The following EPAS1 variants were observed in gnomAD, a reference collection of about 807,000 sequenced individuals.
EPAS1 encodes the protein endothelial PAS domain protein 1, also known as endothelial PAS domain-containing protein 1.
In EPAS1, 23 loss-of-function variants were observed where a neutral mutation model predicts 87.9. The observed-to-expected ratio is 0.26, with a 90% confidence interval of 0.19 to 0.37. EPAS1 has a LOEUF of 0.37. Among genes scored for constraint, EPAS1 ranks in the 10% least tolerant of loss-of-function variants. The pLI is 1.00. For synonymous variants in EPAS1, 508 were observed against 444.3 expected, an observed-to-expected ratio of 1.14 and a Z score of -1.80; for missense variants, 1,138 against 1,120.7, an observed-to-expected ratio of 1.02 and a Z score of -0.22.
intron 11 of EPAS1, among the ~76,000 whole-genome samples, chr2:46,379,329 A>G (rs572719741): frequency 4.1e-4 from 63 of 152,302 alleles, no homozygotes; most frequent in African/African-American, 1.2e-3. Context: ...AACCCCAGGG[A>G]AAACCATTAA....
chr2:46,355,480 T>G (rs1055328599), intron 2 of EPAS1, among the ~76,000 whole-genome samples: 1 of 152,236 alleles, frequency 6.6e-6, no homozygotes, highest in African/African-American at 2.4e-5. Flanking sequence ...GCTTAACCTC[T>G]CTACACTTCA....
intron 9 of EPAS1, among the ~76,000 whole-genome samples, chr2:46,377,115 C>T (rs919167882): frequency 6.6e-6 from 1 of 152,202 alleles, no homozygotes; most frequent in African/African-American, 2.4e-5. Context: ...AGAGAAGGGG[C>T]AGATTCCTAC....
chr2:46,307,011 C>A (rs1683118056), intron 1 of EPAS1, among the ~76,000 whole-genome samples: 2 of 152,192 alleles, frequency 1.3e-5, no homozygotes, highest in South Asian at 4.1e-4. Context: ...AATTCACTTT[C>A]CACAGATTGG....
rs1684874526 is a variant in EPAS1 at position 46,380,880 on chromosome 2, G to C, written c.2045+163G>C. Reference sequence around the variant, plus strand: ...ACTTTGGGGAATCACCTCAAGCCATGTGAGGCCTAGTGTAGGATGGGTTTT... The same window carrying C: ...ACTTTGGGGAATCACCTCAAGCCATCTGAGGCCTAGTGTAGGATGGGTTTT... On this transcript the variant is annotated intron_variant, in intron 12 of 15. Transcript: ENST00000263734. This position sits in a 1 kb window ranked among gnomAD's most constrained non-coding sequence, Gnocchi z 4.4. Among the ~76,000 whole-genome samples the C allele has an allele frequency of 6.6e-6, 1 of 152,144 alleles. No individual in the cohort carries two copies. Among genetic ancestry groups the C allele is most frequent in the South Asian group, 2.1e-4 (1 of 4,826 alleles).
chr2:46,298,589 C>G (rs536197678), intron 1 of EPAS1, among the ~76,000 whole-genome samples: 1 of 152,336 alleles, frequency 6.6e-6, no homozygotes, highest in East Asian at 1.9e-4. Context: ...GATTGCCCTG[C>G]GGGGGCAGAT....
intron 1 of EPAS1, among the ~76,000 whole-genome samples, chr2:46,310,194 T>C (rs1683183607): frequency 6.6e-6 from 1 of 152,128 alleles, no homozygotes; most frequent in African/African-American, 2.4e-5. Context: ...CATCCCCATG[T>C]TCTCTTTCTG....
At chr2:46,370,017 C>T (rs1684594614) in intron 7 of EPAS1, 84 bp downstream of exon 7, 5 of 992,618 alleles carry the variant, frequency 5.0e-6, no homozygotes, top group African/African-American at 1.6e-5. Context: ...AGACAGAAGA[C>T]CAGGTCACTT....
chr2:46,356,616 A>T, intron 3 of EPAS1, 108 bp from the exon 4 acceptor site: 2 of 904,268 alleles, frequency 2.2e-6, no homozygotes, highest in Non-Finnish European at 3.7e-6. Flanking sequence ...GAGAAAACCC[A>T]ATTCAGTCTC....
chr2:46,369,749 G>C, intron 6 of EPAS1, 78 bp from the exon 7 acceptor site: 1 of 1,001,604 alleles, frequency 1.0e-6, no homozygotes, highest in Admixed American at 1.9e-5. Flanking sequence ...TTTGCCTTCT[G>C]GGGTTAGCTC....
chr2:46,367,997 T>C (rs1029479361), intron 6 of EPAS1, among the ~76,000 whole-genome samples: 1 of 152,232 alleles, frequency 6.6e-6, no homozygotes, highest in Non-Finnish European at 1.5e-5. Flanking sequence ...CCAGGTTCCT[T>C]AGCAGTGCTG....
intron 2 of EPAS1, among the ~76,000 whole-genome samples, chr2:46,355,123 G>C (rs906981239): frequency 6.6e-5 from 10 of 152,126 alleles, no homozygotes; most frequent in Admixed American, 5.9e-4. Flanking sequence ...CTTTTATTTA[G>C]CTTTGCATCT....
At chr2:46,367,398 G>A (rs1684524768) in intron 6 of EPAS1, among the ~76,000 whole-genome samples, 1 of 152,362 alleles carries the variant, frequency 6.6e-6, no homozygotes, top group South Asian at 2.1e-4. Flanking sequence ...CAGTGAGCCT[G>A]CAGATGGCCA....
chr2:46,324,418 A>G (rs1572620489), intron 1 of EPAS1, among the ~76,000 whole-genome samples: 1 of 152,228 alleles, frequency 6.6e-6, no homozygotes, highest in Non-Finnish European at 1.5e-5. Flanking sequence ...AGCAAGGCCC[A>G]TGGGCAATAG....
chr2:46,310,805 G>A (rs1247003724), intron 1 of EPAS1, among the ~76,000 whole-genome samples: 2 of 152,202 alleles, frequency 1.3e-5, no homozygotes, highest in Non-Finnish European at 2.9e-5. Flanking sequence ...TCTGTCCACC[G>A]GTACTTTGAG....
chr2:46,353,814 A>G (rs1446423805), intron 2 of EPAS1, among the ~76,000 whole-genome samples: 2 of 152,206 alleles, frequency 1.3e-5, no homozygotes, highest in Non-Finnish European at 2.9e-5. Flanking sequence ...TCCCCTCTCC[A>G]GGCTAGCCGC....
intron 2 of EPAS1, among the ~76,000 whole-genome samples, chr2:46,349,448 C>G (rs932458200): frequency 6.6e-6 from 1 of 152,186 alleles, no homozygotes; most frequent in African/African-American, 2.4e-5. Context: ...ACCAGAGTGG[C>G]CACAGTGGGA....
chr2:46,320,393 T>C lies in EPAS1; in HGVS notation c.26+22456T>C, dbSNP rs191811653. Among the ~76,000 whole-genome samples the C allele has an allele frequency of 2.1e-3, 322 of 152,340 alleles. 1 individual carries two copies. Among genetic ancestry groups the C allele is most frequent in the African/African-American group, 7.6e-3 (314 of 41,574 alleles). ...AGGACTTTGTTGAAATGGCTACTTC[T>C]GTACAATGCACATGGAGCAGCTGTT... On this transcript the variant is annotated intron_variant, in intron 1 of 15. Transcript: ENST00000263734.
chr2:46,351,946 C>T (rs770555046), intron 2 of EPAS1, among the ~76,000 whole-genome samples: 1 of 152,286 alleles, frequency 6.6e-6, no homozygotes, highest in African/African-American at 2.4e-5. Context: ...AGGAAATGAG[C>T]GTTGCTCCGG....
chr2:46,342,368 T>G, intron 1 of EPAS1, among the ~76,000 whole-genome samples: 1 of 152,190 alleles, frequency 6.6e-6, no homozygotes, highest in Admixed American at 6.5e-5. Context: ...ATTTCCTCCA[T>G]TCTCAGCTTC....
Sources: gnomAD v4.1 joint callset for allele counts (sites outside exome capture counted in the v4.1 genomes callset) on GRCh38, gnomAD v4.1.1 for gene constraint, Gnocchi (gnomAD v3.1) non-coding constraint, MANE v1.5 for transcripts, NCBI Gene and HGNC (gene_info 2026-07-23, HGNC 2026-07-21) for gene names.